Variants in SNX29 observed in about 807,000 individuals in gnomAD.
The protein encoded by SNX29 is sorting nexin 29.
SNX29 carries 78 observed loss-of-function variants against 102.1 expected under a neutral mutation model. That is an observed-to-expected ratio of 0.76 (90% confidence interval 0.64 to 0.92). SNX29 has a LOEUF of 0.92. SNX29 is among the 40% of genes least tolerant of loss of function. SNX29 has a pLI of 0.00. For missense variants in SNX29, 1,280 were observed against 1,061.7 expected, an observed-to-expected ratio of 1.21 and a Z score of -2.86; for synonymous variants, 580 against 414.5, an observed-to-expected ratio of 1.40 and a Z score of -4.85.
chr16:12,057,703 A>G (rs867160393), intron 8 of SNX29, among the ~76,000 whole-genome samples: 5 of 152,114 alleles, frequency 3.3e-5, no homozygotes, highest in South Asian at 2.1e-4. Context: ...TTAAGCCTTG[A>G]CATTTTAACA....
chr16:12,223,908 C>A (rs752555895), intron 14 of SNX29, among the ~76,000 whole-genome samples: 6 of 152,162 alleles, frequency 3.9e-5, no homozygotes, highest in Non-Finnish European at 8.8e-5. Context: ...CGTTCTGATC[C>A]TTATCCTGTT....
chr16:12,402,500 A>G (rs1567526958), intron 17 of SNX29, among the ~76,000 whole-genome samples: 1 of 152,190 alleles, frequency 6.6e-6, no homozygotes, highest in Non-Finnish European at 1.5e-5. Flanking sequence ...ATGGTGCAGC[A>G]CCGTTTTGAT....
chr16:12,251,876 C>A (rs1335089616), intron 14 of SNX29, among the ~76,000 whole-genome samples: 1 of 152,084 alleles, frequency 6.6e-6, no homozygotes, highest in African/African-American at 2.4e-5. Context: ...CCTCTTGACT[C>A]AGCCTCCCCA....
chr16:12,058,487 G>GGTT (rs2050613427), intron 8 of SNX29, among the ~76,000 whole-genome samples: 3 of 77,184 alleles, frequency 3.9e-5, no homozygotes, highest in African/African-American at 1.9e-4. Context: ...TTTTTTTTTT[G>GGTT]GTTTTTGGTT....
chr16:12,548,979 C>T (rs923578044), intron 20 of SNX29, among the ~76,000 whole-genome samples: 1 of 152,182 alleles, frequency 6.6e-6, no homozygotes, highest in Non-Finnish European at 1.5e-5. Context: ...AAGTGAGGCC[C>T]CTGCTCTCCC....
intron 14 of SNX29, among the ~76,000 whole-genome samples, chr16:12,205,169 TTTA>T (rs1235294809): frequency 6.6e-6 from 1 of 152,192 alleles, no homozygotes; most frequent in Non-Finnish European, 1.5e-5. Flanking sequence ...AGGGTAACTT[TTTA>T]TTCTTTTTTT....
chr16:12,387,792 T>C (rs931301803), intron 16 of SNX29, among the ~76,000 whole-genome samples: 4 of 152,132 alleles, frequency 2.6e-5, no homozygotes, highest in Non-Finnish European at 5.9e-5. Flanking sequence ...AACTAATCAG[T>C]GAAGAGCTTC....
At chr16:12,172,545 C>A (rs1312778041) in intron 13 of SNX29, among the ~76,000 whole-genome samples, 1 of 152,192 alleles carries the variant, frequency 6.6e-6, no homozygotes, top group Non-Finnish European at 1.5e-5. Context: ...CTCTCTGGAT[C>A]TCAGTGTTCT....
At chr16:12,562,691 T>G (rs1197190481) in intron 20 of SNX29, among the ~76,000 whole-genome samples, 2 of 152,164 alleles carry the variant, frequency 1.3e-5, no homozygotes, top group Non-Finnish European at 2.9e-5. Flanking sequence ...ACTGCCTTCT[T>G]TGGAGTCGAG....
chr16:12,290,658 G>C (rs1183080212), intron 15 of SNX29, among the ~76,000 whole-genome samples: 2 of 152,188 alleles, frequency 1.3e-5, no homozygotes, highest in African/African-American at 4.8e-5. Flanking sequence ...ATCAAGGTCT[G>C]TCTCATTTTT....
intron 15 of SNX29, among the ~76,000 whole-genome samples, chr16:12,300,348 A>G (rs1227256955): frequency 2.6e-5 from 4 of 152,144 alleles, no homozygotes; most frequent in Admixed American, 2.6e-4. Context: ...TCCTGTCCCC[A>G]TAATGCCTTG....
intron 17 of SNX29, among the ~76,000 whole-genome samples, 193 bp from the exon 18 acceptor site, chr16:12,403,250 GTGTGT>G (rs1567527740): frequency 0.012 from 1,653 of 138,048 alleles, 27 homozygotes; most frequent in African/African-American, 0.027. Flanking sequence ...GTGTGTGTGT[GTGTGT>G]AGAGAGAGAC....
Position 12,545,131 on chromosome 16 carries a change from C to T in SNX29, c.2318+20290C>T, listed in dbSNP as rs371922711. 7.6e-4 allele frequency among the ~76,000 whole-genome samples: 115 copies of T among 152,274 alleles called. 2 individuals are homozygous for T. The South Asian group carries it at 0.02, about 27-fold the overall frequency. On this transcript the variant is annotated intron_variant, in intron 20 of 20. Coordinates refer to ENST00000566228, the MANE Select transcript of SNX29 (RefSeq NM_032167.5). ...AGCCAGCTCTGTGAGGCCCCACTTA[C>T]CTAGCACAGCTATGAAGTACAGACA...
At chr16:12,044,485 C>T (rs1365719126) in intron 5 of SNX29, among the ~76,000 whole-genome samples, 1 of 152,184 alleles carries the variant, frequency 6.6e-6, no homozygotes, top group South Asian at 2.1e-4. Context: ...CTGATGACAC[C>T]TGTGTACTGC....
At chr16:12,353,424 G>T (rs1167397107) in intron 15 of SNX29, among the ~76,000 whole-genome samples, 2 of 140,152 alleles carry the variant, frequency 1.4e-5, no homozygotes, top group African/African-American at 3.3e-5. Context: ...GCTAAGTGCG[G>T]CATCTCTTGC....
chr16:12,199,671 C>G lies in SNX29; in HGVS notation c.1666C>G (p.Gln556Glu). 6.2e-7 allele frequency: 1 copy of G among 1,611,772 alleles called. No homozygotes were observed. The highest frequency in any genetic ancestry group is 1.7e-5 in the Admixed American group (1 of 59,852). Residue 556 changes from glutamine to glutamate, a missense_variant, in exon 14 of 21, where the codon CAA (glutamine) becomes GAA (glutamate). Coordinates refer to ENST00000566228, the MANE Select transcript of SNX29 (RefSeq NM_032167.5). ...GAVQMLKREG[Q>E]TAEVPNLWSV... ...TGTCCAGATGCTGAAAAGAGAAGGT[C>G]AAACAGCTGAAGGTGAGGGGGAGCC...
chr16:12,048,843 A>G (rs924848566), intron 7 of SNX29, among the ~76,000 whole-genome samples: 2 of 152,194 alleles, frequency 1.3e-5, no homozygotes, highest in African/African-American at 4.8e-5. Flanking sequence ...CAGCTCAACC[A>G]TAGCAAACGG....
intron 18 of SNX29, among the ~76,000 whole-genome samples, chr16:12,432,784 A>C (rs1159885082): frequency 7.9e-5 from 12 of 152,238 alleles, no homozygotes; most frequent in Admixed American, 7.8e-4. Flanking sequence ...CTAGAATTCA[A>C]TGGCAGCTCA....
At chr16:12,442,164 T>TA (rs968605810) in intron 18 of SNX29, among the ~76,000 whole-genome samples, 198 of 149,576 alleles carry the variant, frequency 1.3e-3, no homozygotes, top group African/African-American at 3.9e-3. Flanking sequence ...ACAGTTTGTT[T>TA]AAAAAAAAAA....
Sources: gnomAD v4.1 joint callset for allele counts (sites outside exome capture counted in the v4.1 genomes callset) on GRCh38, gnomAD v4.1.1 for gene constraint, MANE v1.5 for transcripts, NCBI Gene and HGNC (gene_info 2026-07-23, HGNC 2026-07-21) for gene names.